CNTN1: variants seen among roughly 807,000 people sequenced by gnomAD.
CNTN1 encodes the protein contactin 1.
In CNTN1, 38 loss-of-function variants were observed where a neutral mutation model predicts 126.4. The observed-to-expected ratio is 0.30, with a 90% CI of 0.23 to 0.39. CNTN1 has a LOEUF of 0.39. Ranked by LOEUF, CNTN1 falls within the 10% of genes least tolerant of loss-of-function variation. The pLI, the probability that CNTN1 is intolerant of heterozygous loss-of-function variation, is 1.00. For missense variants in CNTN1, 1,009 were observed against 1,248.4 expected, an observed-to-expected ratio of 0.81 and a Z score of 2.89; for synonymous variants, 413 against 422.6, an observed-to-expected ratio of 0.98 and a Z score of 0.28.
chr12:40,880,091 T>C (rs189948822), intron 1 of CNTN1, among the ~76,000 whole-genome samples: 1 of 152,134 alleles, frequency 6.6e-6, no homozygotes, highest in Non-Finnish European at 1.5e-5. Flanking sequence ...ACAAATTTAT[T>C]TGAGGTGACG....
chr12:40,914,878 C>A (rs939392573), intron 3 of CNTN1, among the ~76,000 whole-genome samples: 5 of 151,976 alleles, frequency 3.3e-5, no homozygotes, highest in East Asian at 1.9e-4. Flanking sequence ...TTGTATATCC[C>A]CTTTGAGGGT....
At chr12:40,881,969 A>ACTGTG (rs990566962) in intron 1 of CNTN1, among the ~76,000 whole-genome samples, 2 of 151,726 alleles carry the variant, frequency 1.3e-5, no homozygotes, top group African/African-American at 4.8e-5. Flanking sequence ...TTTATAATTT[A>ACTGTG]CTGTGAGTGA....
chr12:40,923,123 C>A (rs1171637776), intron 5 of CNTN1, among the ~76,000 whole-genome samples: 2 of 151,838 alleles, frequency 1.3e-5, no homozygotes, highest in Non-Finnish European at 2.9e-5. Flanking sequence ...AAGATCAACC[C>A]AATATGACAA....
intron 1 of CNTN1, among the ~76,000 whole-genome samples, chr12:40,802,068 A>G (rs1199184985): frequency 1.3e-5 from 2 of 151,994 alleles, no homozygotes; most frequent in East Asian, 1.9e-4. Flanking sequence ...GATGCCATTT[A>G]CTAGAAAAGG....
At position 41,070,207 on chromosome 12, in the gene CNTN1, C is replaced by G; in HGVS notation, c.*172C>G. The G allele has an allele frequency of 1.5e-6, 1 of 653,912 alleles. No homozygotes were observed. Among genetic ancestry groups the G allele is most frequent in the South Asian group, 1.7e-5 (1 of 58,978 alleles). 40.5% of individuals were successfully genotyped at this position (653,912 alleles called of 1,614,324 possible). On this transcript the variant is annotated 3_prime_UTR_variant, in exon 24 of 24. Transcript: ENST00000551295. ...CATGATGACTGAGGCATTCGGGAAC[C>G]CCTTCATCCAAAAGAATAAACTTTT...
chr12:40,827,547 A>G (rs1174958889), intron 1 of CNTN1, among the ~76,000 whole-genome samples: 1 of 152,178 alleles, frequency 6.6e-6, no homozygotes, highest in Non-Finnish European at 1.5e-5. Flanking sequence ...AATTCCTTAT[A>G]TCTCACTTAT....
At chr12:41,069,744 ATGT>A (rs1310524916) in intron 23 of CNTN1, among the ~76,000 whole-genome samples, 2 of 152,194 alleles carry the variant, frequency 1.3e-5, no homozygotes, top group African/African-American at 4.8e-5. Context: ...ATGATTAATC[ATGT>A]TGTGTAAACA....
intron 16 of CNTN1, among the ~76,000 whole-genome samples, chr12:40,989,266 C>T (rs926650506): frequency 7.2e-5 from 11 of 152,112 alleles, no homozygotes; most frequent in Admixed American, 2.6e-4. Flanking sequence ...AAGAAGATTG[C>T]ATTAGGTACA....
At chr12:40,968,417 A>G (rs1592338661) in intron 15 of CNTN1, among the ~76,000 whole-genome samples, 1 of 152,130 alleles carries the variant, frequency 6.6e-6, no homozygotes, top group African/African-American at 2.4e-5. Flanking sequence ...CAGCTACTCA[A>G]CTTTACACAG....
chr12:41,028,590 G>A (rs1031490840), intron 22 of CNTN1, among the ~76,000 whole-genome samples: 7 of 152,026 alleles, frequency 4.6e-5, no homozygotes, highest in African/African-American at 1.7e-4. Context: ...GATAAACTGA[G>A]TTACTGTTTA....
intron 1 of CNTN1, among the ~76,000 whole-genome samples, chr12:40,694,478 C>T (rs1328709997): frequency 1.3e-5 from 2 of 152,154 alleles, no homozygotes; most frequent in Non-Finnish European, 2.9e-5. Context: ...AATATTCCAA[C>T]AACCTGCCGT....
intron 17 of CNTN1, among the ~76,000 whole-genome samples, chr12:41,009,904 G>T (rs996475979): frequency 9.2e-5 from 14 of 152,194 alleles, no homozygotes; most frequent in African/African-American, 3.4e-4. Context: ...GGGCTATAAG[G>T]ATGCTGGTCT....
chr12:40,870,216 AG>A (rs1943438170), intron 1 of CNTN1, among the ~76,000 whole-genome samples: 1 of 151,596 alleles, frequency 6.6e-6, no homozygotes, highest in Non-Finnish European at 1.5e-5. Context: ...CTTTATCAGC[AG>A]CATAAAAATT....
intron 1 of CNTN1, among the ~76,000 whole-genome samples, chr12:40,871,702 A>G (rs1424636649): frequency 6.6e-6 from 1 of 152,214 alleles, no homozygotes; most frequent in Non-Finnish European, 1.5e-5. Flanking sequence ...TTTCCAAAAT[A>G]GAATTAATTT....
chr12:40,992,010 G>A (rs1948107231), intron 16 of CNTN1, among the ~76,000 whole-genome samples: 1 of 152,180 alleles, frequency 6.6e-6, no homozygotes, highest in Non-Finnish European at 1.5e-5. Flanking sequence ...TGAGGGAGGA[G>A]TGAAAGAGGA....
At chr12:40,940,173 CTTGAGGGTGTAT>C (rs1287416462) in intron 12 of CNTN1, among the ~76,000 whole-genome samples, 2 of 151,032 alleles carry the variant, frequency 1.3e-5, no homozygotes. Flanking sequence ...TGTGGGTTGG[CTTGAGGGTGTAT>C]GTGAGGGTGT....
chr12:40,819,528 G>C (rs953618144), intron 1 of CNTN1, among the ~76,000 whole-genome samples: 8 of 152,300 alleles, frequency 5.3e-5, no homozygotes, highest in Admixed American at 3.3e-4. Flanking sequence ...CAGTCTTCCT[G>C]GCTCCAGCAA....
At chr12:40,727,331 A>G (rs997396210) in intron 1 of CNTN1, among the ~76,000 whole-genome samples, 1 of 151,980 alleles carries the variant, frequency 6.6e-6, no homozygotes, top group African/African-American at 2.4e-5. Flanking sequence ...AATGTCAGGC[A>G]AATATAATAG....
chr12:40,915,960 T>C (rs1945223452), intron 3 of CNTN1, among the ~76,000 whole-genome samples: 1 of 152,112 alleles, frequency 6.6e-6, no homozygotes, highest in Admixed American at 6.6e-5. Context: ...GCAACACAAA[T>C]TCATTTCTCC....
Sources: gnomAD v4.1 joint callset for allele counts (sites outside exome capture counted in the v4.1 genomes callset) on GRCh38, gnomAD v4.1.1 for gene constraint, MANE v1.5 for transcripts, NCBI Gene and HGNC (gene_info 2026-07-23, HGNC 2026-07-21) for gene names.